Variants in UGT1A10 observed in about 807,000 individuals in gnomAD.
The protein encoded by UGT1A10 is UDP-glucuronosyltransferase 1A10.
Under a neutral mutation model 45.8 loss-of-function variants are expected in UGT1A10, and 49 were observed. The ratio of observed to expected loss-of-function variants is 1.07; its 90% CI spans 0.85 to 1.36. UGT1A10 has a LOEUF of 1.36. Among genes scored for constraint, UGT1A10 ranks in the 40% most tolerant of loss-of-function variants. UGT1A10 has a pLI of 0.00. For missense variants in UGT1A10, 745 were observed against 668.6 expected (o/e 1.11, Z -1.26); for synonymous variants, 284 against 249.7 (o/e 1.14, Z -1.29).
intron 1 of UGT1A10, among the ~76,000 whole-genome samples, chr2:233,681,171 AC>A (rs1050610382): frequency 2.6e-5 from 4 of 151,664 alleles, no homozygotes; most frequent in Non-Finnish European, 5.9e-5. Context: ...CAACGCTAAG[AC>A]CCTTGCTCTC....
intron 1 of UGT1A10, among the ~76,000 whole-genome samples, chr2:233,762,044 CATTTTCCTTCATAGCACATCAAATA>C (rs1208875045): frequency 1.3e-5 from 2 of 152,198 alleles, no homozygotes; most frequent in East Asian, 1.9e-4. Context: ...ATTTTCTGTG[CATTTTCCTTCATAGCACATCAAATA>C]TGGCAGCCAT....
At chr2:233,653,629 C>T (rs764176429) in intron 1 of UGT1A10, among the ~76,000 whole-genome samples, 6 of 152,206 alleles carry the variant, frequency 3.9e-5, no homozygotes, top group Non-Finnish European at 8.8e-5. Context: ...CAGAGTCTCG[C>T]TGTGTTGCCT....
chr2:233,772,820 C>T lies in UGT1A10; in HGVS notation c.*261C>T. The T allele has an allele frequency of 1.0e-6, 1 of 980,900 alleles. No individual in the cohort carries two copies. The highest frequency in any genetic ancestry group is 3.1e-5 in the Admixed American group (1 of 31,764). 60.8% of individuals were successfully genotyped at this position (980,900 alleles called of 1,614,324 possible). A position where few individuals can be genotyped will look rare whatever the true frequency, so the allele number is the denominator to read the frequency against. On this transcript the variant is annotated 3_prime_UTR_variant, in exon 5 of 5. Coordinates refer to ENST00000344644, the MANE Select transcript of UGT1A10 (RefSeq NM_019075.4). ...TGCCATTTTTCAGAGGACGTGCAGA[C>T]AGGCTGGCATTCTAGATTACTTTTC...
intron 1 of UGT1A10, among the ~76,000 whole-genome samples, chr2:233,728,276 G>C (rs1254522252): frequency 6.6e-6 from 1 of 152,142 alleles, no homozygotes; most frequent in Non-Finnish European, 1.5e-5. Flanking sequence ...TGGAGCCTTC[G>C]GCATTCAGAA....
intron 1 of UGT1A10, chr2:233,693,502 A>G (rs1280559315): frequency 2.5e-6 from 4 of 1,614,144 alleles, no homozygotes; most frequent in Non-Finnish European, 3.4e-6. Flanking sequence ...TGGGCCTACC[A>G]TCTGTGTACC....
intron 1 of UGT1A10, among the ~76,000 whole-genome samples, chr2:233,724,643 C>T (rs1474799559): frequency 2.1e-5 from 3 of 141,252 alleles, no homozygotes; most frequent in Non-Finnish European, 3.1e-5. Flanking sequence ...GATGTGATGG[C>T]GGCTGGGAAG....
At position 233,654,616 on chromosome 2, in the gene UGT1A10, A is replaced by T. The variant is rs2073814456; in HGVS notation, c.855+17239A>T. Among the ~76,000 whole-genome samples, 3 of 152,238 alleles carry T rather than the reference A, an allele frequency of 2.0e-5. No individual in the cohort carries two copies. In the South Asian group the frequency reaches 6.2e-4, roughly 32 times the overall value. On this transcript the variant is annotated intron_variant, in intron 1 of 4. Transcript: ENST00000344644. ...AAATGAAATAAACCACAGCCCTATA[A>T]AATGCAAAACTACTGATGATTGCTT...
At chr2:233,710,803 G>A (rs771907333) in intron 1 of UGT1A10, among the ~76,000 whole-genome samples, 17 of 152,124 alleles carry the variant, frequency 1.1e-4, no homozygotes, top group Non-Finnish European at 2.1e-4. Flanking sequence ...TGTACCCCTC[G>A]TGCCCTATCT....
In UGT1A10 at chr2:233,691,755, T is replaced by A. The variant is rs144640470; in HGVS notation, c.855+54378T>A. The A allele has an allele frequency of 5.1e-3, 2,691 of 530,206 alleles. 14 individuals are homozygous for A. The highest frequency in any genetic ancestry group is 6.1e-3 in the Non-Finnish European group (2,529 of 413,718). 32.8% of individuals were successfully genotyped at this position (530,206 alleles called of 1,614,324 possible). A position where few individuals can be genotyped will look rare whatever the true frequency, so the allele number is the denominator to read the frequency against. On this transcript the variant is annotated intron_variant, in intron 1 of 4. Coordinates refer to ENST00000344644, the MANE Select transcript of UGT1A10 (RefSeq NM_019075.4). Reference sequence around the variant, plus strand: ...AGAAGCAGATACCAGGCTTTCTGACTCCTGCTCTAGGATTCTCACCACGTA... The same window carrying A: ...AGAAGCAGATACCAGGCTTTCTGACACCTGCTCTAGGATTCTCACCACGTA...
intron 1 of UGT1A10, among the ~76,000 whole-genome samples, chr2:233,733,906 G>A (rs576095795): frequency 6.6e-6 from 1 of 152,124 alleles, no homozygotes; most frequent in South Asian, 2.1e-4. Context: ...GTACCTCTCT[G>A]GTAGAATTCG....
chr2:233,707,032 A>T (rs949515079), intron 1 of UGT1A10, among the ~76,000 whole-genome samples: 1 of 152,108 alleles, frequency 6.6e-6, no homozygotes, highest in Non-Finnish European at 1.5e-5. Context: ...CCAGCCCCCA[A>T]GGTAGAGGAA....
intron 1 of UGT1A10, among the ~76,000 whole-genome samples, chr2:233,705,044 G>A (rs570093956): frequency 6.6e-5 from 10 of 152,198 alleles, no homozygotes; most frequent in South Asian, 4.1e-4. Flanking sequence ...GCTGAGGCAG[G>A]AGAATTGCTT....
intron 1 of UGT1A10, chr2:233,693,564 A>T: frequency 6.2e-7 from 1 of 1,614,200 alleles, no homozygotes; most frequent in Non-Finnish European, 8.5e-7. Flanking sequence ...AGAAGCCCAG[A>T]CCCTGTGTCC....
At chr2:233,762,544 T>C (rs755070967) in intron 1 of UGT1A10, among the ~76,000 whole-genome samples, 100 of 152,370 alleles carry the variant, frequency 6.6e-4, no homozygotes, top group Middle Eastern at 6.8e-3. Flanking sequence ...TACCACAGTG[T>C]ATTCTGCTGG....
chr2:233,636,744 G>T lies in UGT1A10; in HGVS notation c.222G>T (p.Val74=). ...WQLERSLNCT[V]KTYSTSYTLE... is the part of the protein sequence containing the mutation. Reference sequence around the variant, plus strand: ...TGGAAAGATCACTGAATTGCACAGTGAAGACTTACTCAACCTCGTACACTC... The same window carrying T: ...TGGAAAGATCACTGAATTGCACAGTTAAGACTTACTCAACCTCGTACACTC... The change falls in exon 1 of 5, where the codon GTG becomes GTT. Residue 74 remains valine (V), a synonymous_variant. Transcript: ENST00000344644. 6.2e-7 allele frequency: 1 copy of T among 1,614,170 alleles called. No homozygotes were observed.
chr2:233,743,981 G>A, intron 1 of UGT1A10: 4 of 1,297,888 alleles, frequency 3.1e-6, no homozygotes, highest in Non-Finnish European at 3.0e-6. Context: ...CAGCACCCAG[G>A]CGCAGGCCCG....
At chr2:233,665,605 G>T (rs2074059936) in intron 1 of UGT1A10, among the ~76,000 whole-genome samples, 1 of 152,242 alleles carries the variant, frequency 6.6e-6, no homozygotes, top group African/African-American at 2.4e-5. Flanking sequence ...TTTAGCATTG[G>T]TTGGTTTGAA....
intron 1 of UGT1A10, chr2:233,729,826 C>T (rs1653998510): frequency 6.2e-7 from 1 of 1,613,940 alleles, no homozygotes; most frequent in Non-Finnish European, 8.5e-7. Flanking sequence ...TTATGCAAGC[C>T]TTGCCTCTGA....
chr2:233,733,760 A>C (rs2078435116), intron 1 of UGT1A10, among the ~76,000 whole-genome samples: 1 of 152,132 alleles, frequency 6.6e-6, no homozygotes, highest in Non-Finnish European at 1.5e-5. Flanking sequence ...ATTTGTCTAA[A>C]ATTTTCTTTT....
Sources: allele counts gnomAD v4.1 joint callset (sites outside exome capture counted in the v4.1 genomes callset), GRCh38; gene constraint gnomAD v4.1.1; transcripts MANE v1.5; gene names NCBI Gene and HGNC (gene_info 2026-07-23, HGNC 2026-07-21).